Variants in ERBB4 observed in about 807,000 individuals in gnomAD.
The protein encoded by ERBB4 is receptor tyrosine-protein kinase erbB-4.
Under a neutral mutation model 158.0 loss-of-function variants are expected in ERBB4, and 42 were observed. The observed-to-expected ratio is 0.27, with a 90% confidence interval of 0.21 to 0.34. The LOEUF is 0.34. Ranked by LOEUF, ERBB4 falls within the 10% of genes least tolerant of loss-of-function variation. ERBB4 has a pLI of 1.00. For missense variants in ERBB4, 1,333 were observed against 1,624.1 expected (o/e 0.82, Z 3.08); for synonymous variants, 583 against 558.7 (o/e 1.04, Z -0.61).
chr2:212,101,079 T>G (rs1242871491), intron 2 of ERBB4, among the ~76,000 whole-genome samples: 1 of 152,050 alleles, frequency 6.6e-6, no homozygotes, highest in Non-Finnish European at 1.5e-5. Flanking sequence ...CAGTTCTTGA[T>G]AGACGAGTCT....
At chr2:212,177,022 T>C (rs371243071) in intron 1 of ERBB4, among the ~76,000 whole-genome samples, 1 of 151,318 alleles carries the variant, frequency 6.6e-6, no homozygotes, top group East Asian at 1.9e-4. Flanking sequence ...TCAGTATTAC[T>C]TTATGAAGCA....
intron 3 of ERBB4, among the ~76,000 whole-genome samples, chr2:211,906,203 T>C (rs979913388): frequency 6.6e-6 from 1 of 152,110 alleles, no homozygotes; most frequent in African/African-American, 2.4e-5. Flanking sequence ...ATAACCATGA[T>C]TGTACCATAG....
At chr2:211,856,166 C>T (rs2077854446) in intron 3 of ERBB4, among the ~76,000 whole-genome samples, 1 of 151,996 alleles carries the variant, frequency 6.6e-6, no homozygotes, top group East Asian at 1.9e-4. Flanking sequence ...CAGTTTTAAC[C>T]TTGGTTTAAA....
chr2:211,854,101 T>C (rs546428953), intron 3 of ERBB4, among the ~76,000 whole-genome samples: 4 of 152,238 alleles, frequency 2.6e-5, no homozygotes, highest in African/African-American at 9.6e-5. Context: ...TGCTTGAGAA[T>C]ATAAATTGTG....
chr2:211,865,165 A>G (rs1195226018), intron 3 of ERBB4, among the ~76,000 whole-genome samples: 9 of 151,748 alleles, frequency 5.9e-5, no homozygotes, highest in Non-Finnish European at 1.3e-4. Flanking sequence ...AAACTTCATT[A>G]AAGTATATAT....
At chr2:211,726,521 G>C (rs1267225043) in intron 5 of ERBB4, among the ~76,000 whole-genome samples, 4 of 152,110 alleles carry the variant, frequency 2.6e-5, no homozygotes, top group Non-Finnish European at 5.9e-5. Context: ...TAGCTTGCTA[G>C]TAATTTGCAA....
At chr2:211,906,251 C>T (rs2125044570) in intron 3 of ERBB4, among the ~76,000 whole-genome samples, 1 of 152,032 alleles carries the variant, frequency 6.6e-6, no homozygotes, top group East Asian at 1.9e-4. Context: ...TAGGATTCTG[C>T]ATATATTTAA....
chr2:211,827,615 CA>C (rs998565454), intron 3 of ERBB4, among the ~76,000 whole-genome samples: 1 of 150,694 alleles, frequency 6.6e-6, no homozygotes, highest in Non-Finnish European at 1.5e-5. Context: ...GAAAAAATGT[CA>C]AAAAACTTAA....
intron 2 of ERBB4, among the ~76,000 whole-genome samples, chr2:212,097,762 G>A (rs1451919437): frequency 2.0e-5 from 3 of 152,158 alleles, no homozygotes; most frequent in African/African-American, 7.2e-5. Context: ...AACATCAAAT[G>A]TTGCAAAAGA....
intron 2 of ERBB4, among the ~76,000 whole-genome samples, chr2:212,083,839 G>A (rs1385021207): frequency 6.6e-6 from 1 of 151,130 alleles, no homozygotes; most frequent in Non-Finnish European, 1.5e-5. Context: ...TTTTCTGTAT[G>A]GTATCCCAAA....
intron 19 of ERBB4, among the ~76,000 whole-genome samples, chr2:211,584,523 T>A (rs2068205045): frequency 6.6e-6 from 1 of 152,072 alleles, no homozygotes; most frequent in Admixed American, 6.5e-5. Context: ...GGTTTCTTGA[T>A]CCGTGAAAAG....
chr2:211,675,848 T>C (rs941913863), intron 13 of ERBB4, among the ~76,000 whole-genome samples: 2 of 145,228 alleles, frequency 1.4e-5, no homozygotes, highest in African/African-American at 2.5e-5. Flanking sequence ...ATGTCATATT[T>C]ATATTTGATT....
chr2:212,005,568 T>C (rs2076240440), intron 2 of ERBB4, among the ~76,000 whole-genome samples: 1 of 152,144 alleles, frequency 6.6e-6, no homozygotes, highest in Non-Finnish European at 1.5e-5. Flanking sequence ...TCGTCAGATA[T>C]GGAATTTTGG....
intron 1 of ERBB4, among the ~76,000 whole-genome samples, chr2:212,510,205 G>GTATATATA (rs10556403): frequency 0.018 from 2,332 of 130,354 alleles, 48 homozygotes; most frequent in African/African-American, 0.051. Context: ...TAACCACACA[G>GTATATATA]TATATATATA....
At chr2:211,957,853 C>T (rs2081074689) in intron 2 of ERBB4, among the ~76,000 whole-genome samples, 1 of 152,090 alleles carries the variant, frequency 6.6e-6, no homozygotes, top group African/African-American at 2.4e-5. Context: ...TTAAGAGTGA[C>T]AGTTTCATGT....
intron 1 of ERBB4, among the ~76,000 whole-genome samples, chr2:212,475,459 T>C (rs1040150061): frequency 2.6e-5 from 4 of 152,204 alleles, no homozygotes; most frequent in Non-Finnish European, 4.4e-5. Context: ...CTGCTGAGAA[T>C]GTTCCATTTG....
chr2:212,271,639 T>C (rs751265220), intron 1 of ERBB4, among the ~76,000 whole-genome samples: 3 of 151,944 alleles, frequency 2.0e-5, no homozygotes, highest in Non-Finnish European at 1.5e-5. Flanking sequence ...CAATTGTCAA[T>C]GTATCTTTCT....
At chr2:212,530,687 C>A (rs1006844623) in intron 1 of ERBB4, among the ~76,000 whole-genome samples, 1 of 152,126 alleles carries the variant, frequency 6.6e-6, no homozygotes. Context: ...AGAAAACAAG[C>A]ACACGCATTT....
intron 17 of ERBB4, among the ~76,000 whole-genome samples, chr2:211,626,556 G>T (rs1447776470): frequency 6.6e-6 from 1 of 151,986 alleles, no homozygotes; most frequent in Non-Finnish European, 1.5e-5. Context: ...GGGATTCTAC[G>T]ATTATCTAAC....
Sources: allele counts gnomAD v4.1 joint callset (sites outside exome capture counted in the v4.1 genomes callset), GRCh38; gene constraint gnomAD v4.1.1; transcripts MANE v1.5; gene names NCBI Gene and HGNC (gene_info 2026-07-23, HGNC 2026-07-21).